Variants in TENM2 observed in about 807,000 individuals in gnomAD.
The protein encoded by TENM2 is teneurin transmembrane protein 2.
A neutral mutation model predicts 245.2 loss-of-function variants in TENM2; 52 were observed. The ratio of observed to expected loss-of-function variants is 0.21; its 90% CI spans 0.17 to 0.27. The LOEUF (loss-of-function observed/expected upper bound fraction) is 0.27. Ranked by LOEUF, TENM2 falls within the 10% of genes least tolerant of loss-of-function variation. The pLI is 1.00. For missense variants in TENM2, 3,046 were observed against 3,666.8 expected (o/e 0.83, Z 4.37); for synonymous variants, 1,363 against 1,438.9 (o/e 0.95, Z 1.19).
intron 1 of TENM2, chr5:167,296,164 C>T (rs1254905326): frequency 1.3e-5 from 2 of 152,196 alleles, no homozygotes; most frequent in Admixed American, 6.5e-5. Flanking sequence ...TGTGATTCTC[C>T]TTCCTTTCCC....
chr5:167,690,469 A>G (rs1258757555), intron 2 of TENM2, among the ~76,000 whole-genome samples: 1 of 152,100 alleles, frequency 6.6e-6, no homozygotes, highest in Non-Finnish European at 1.5e-5. Flanking sequence ...TTTGGGAAGG[A>G]CTTCTCATAT....
At chr5:167,927,351 T>C (rs1397604304) in intron 3 of TENM2, among the ~76,000 whole-genome samples, 1 of 152,202 alleles carries the variant, frequency 6.6e-6, no homozygotes, top group Non-Finnish European at 1.5e-5. Context: ...ATTATTCTAC[T>C]GACATTGTAG....
chr5:168,056,575 C>G (rs1270803813), intron 6 of TENM2, among the ~76,000 whole-genome samples: 1 of 152,102 alleles, frequency 6.6e-6, no homozygotes. Context: ...TCTTAGCTGT[C>G]CAAATGTTAT....
At chr5:167,300,792 G>C (rs1198663955) in intron 1 of TENM2, among the ~76,000 whole-genome samples, 2 of 152,132 alleles carry the variant, frequency 1.3e-5, no homozygotes, top group African/African-American at 4.8e-5. Flanking sequence ...TGAGGGAAAA[G>C]GCAGCAATGA....
the TENM2 span, among the ~76,000 whole-genome samples, chr5:167,165,774 C>A: frequency 4.7e-4 from 71 of 152,162 alleles, 1 homozygote; most frequent in South Asian, 0.013. Flanking sequence ...GATAATAAGA[C>A]AAGATGTACA....
chr5:167,368,497 A>T (rs1299558536), intron 1 of TENM2, among the ~76,000 whole-genome samples: 1 of 152,134 alleles, frequency 6.6e-6, no homozygotes, highest in Admixed American at 6.5e-5. Flanking sequence ...TTATTTAAAT[A>T]ATTATCAAGT....
intron 3 of TENM2, among the ~76,000 whole-genome samples, chr5:167,893,460 C>A (rs1774924006): frequency 6.6e-6 from 1 of 152,096 alleles, no homozygotes; most frequent in South Asian, 2.1e-4. Context: ...AATTAGACTT[C>A]TTTAAAAAGG....
Position 167,565,685 on chromosome 5 carries a change from C to T in TENM2, c.502+190212C>T, listed in dbSNP as rs117393401. On this transcript the variant is annotated intron_variant, in intron 2 of 28. Coordinates refer to ENST00000518659, the Ensembl canonical transcript of TENM2. ...GGAGATACTGGTCCCATTTCATAGA[C>T]GGAGAAGTTGAGGTAGACAGCGGTG... 2.0e-4 allele frequency among the ~76,000 whole-genome samples: 31 copies of T among 152,206 alleles called. No individual in the cohort carries two copies. In the East Asian group the frequency reaches 3.5e-3, roughly 17 times the overall value.
chr5:167,916,891 A>G (rs532959394), intron 3 of TENM2, among the ~76,000 whole-genome samples: 13 of 152,280 alleles, frequency 8.5e-5, no homozygotes, highest in African/African-American at 3.1e-4. Context: ...AGCTGATCTC[A>G]GCATTGTTGC....
rs532326526 is a variant in TENM2 at position 167,473,760 on chromosome 5, A to T, written c.502+98287A>T. 2.0e-5 allele frequency among the ~76,000 whole-genome samples: 3 copies of T among 152,320 alleles called. No homozygotes were observed. In the East Asian group the frequency reaches 5.8e-4, roughly 29 times the overall value. On this transcript the variant is annotated intron_variant, in intron 2 of 28. Coordinates refer to ENST00000518659, the Ensembl canonical transcript of TENM2. ...TTACTAATTGTGTGATATTGGACAC[A>T]TCTGTTTCCTTATTTAGAAAATTGG...
At chr5:167,873,377 A>G (rs1267343308) in intron 2 of TENM2, among the ~76,000 whole-genome samples, 2 of 151,978 alleles carry the variant, frequency 1.3e-5, no homozygotes, top group Non-Finnish European at 2.9e-5. Flanking sequence ...TTTTTTTCTC[A>G]CCATTCTGTT....
intron 1 of TENM2, among the ~76,000 whole-genome samples, chr5:167,292,741 A>G (rs1312179779): frequency 6.6e-6 from 1 of 152,262 alleles, no homozygotes; most frequent in Non-Finnish European, 1.5e-5. Context: ...AAATGGTAAG[A>G]TATAACAGAT....
chr5:167,876,343 G>C (rs941398320), intron 3 of TENM2, 148 bp downstream of exon 5: 5 of 704,764 alleles, frequency 7.1e-6, no homozygotes, highest in African/African-American at 1.8e-5. Flanking sequence ...TTGTGGCATG[G>C]TATTTTCAAG....
At chr5:168,149,398 G>A (rs948282115) in intron 12 of TENM2, 3 of 457,032 alleles carry the variant, frequency 6.6e-6, no homozygotes, top group Non-Finnish European at 1.3e-5. Context: ...TCCAACCGAG[G>A]AGTCTGGTTT....
chr5:167,872,501 AAAG>A (rs1772994008), intron 2 of TENM2, among the ~76,000 whole-genome samples: 2 of 12,998 alleles, frequency 1.5e-4, no homozygotes, highest in Admixed American at 1.3e-3. Flanking sequence ...AGAAAGAAAG[AAAG>A]AAAGAAAGAA....
At chr5:167,851,641 A>G (rs1201150485) in intron 2 of TENM2, among the ~76,000 whole-genome samples, 3 of 152,336 alleles carry the variant, frequency 2.0e-5, no homozygotes, top group South Asian at 2.1e-4. Flanking sequence ...TTGATTGAGG[A>G]CATTCCTGTC....
chr5:167,869,443 G>A (rs1372020155), intron 2 of TENM2, among the ~76,000 whole-genome samples: 3 of 152,248 alleles, frequency 2.0e-5, no homozygotes, highest in Admixed American at 2.0e-4. Flanking sequence ...TCACGTCCCA[G>A]AGTCTCTATA....
At chr5:168,122,222 G>A (rs1025498478) in intron 10 of TENM2, among the ~76,000 whole-genome samples, 25 of 152,206 alleles carry the variant, frequency 1.6e-4, no homozygotes, top group African/African-American at 5.5e-4. Context: ...TGTCACCCAG[G>A]CTGGGGTGCA....
chr5:167,173,809 T>TA, the TENM2 span, among the ~76,000 whole-genome samples: 3 of 152,032 alleles, frequency 2.0e-5, no homozygotes, highest in South Asian at 2.1e-4. Context: ...GCTATATATG[T>TA]AAAAAAATAT....
Sources: gnomAD v4.1 joint callset for allele counts (sites outside exome capture counted in the v4.1 genomes callset) on GRCh38, gnomAD v4.1.1 for gene constraint, MANE v1.5 for transcripts, NCBI Gene and HGNC (gene_info 2026-07-23, HGNC 2026-07-21) for gene names.